Variants in EPHA5 observed in about 807,000 individuals in gnomAD.
The protein encoded by EPHA5 is ephrin type-A receptor 5.
EPHA5 carries 60 observed loss-of-function variants against 105.0 expected under a neutral mutation model. The ratio of observed to expected loss-of-function variants is 0.57; its 90% CI spans 0.46 to 0.71. The LOEUF (loss-of-function observed/expected upper bound fraction) is 0.71, where lower values mean the gene tolerates loss of function less well. Among genes scored for constraint, EPHA5 ranks in the 30% least tolerant of loss-of-function variants. EPHA5 has a pLI of 0.00. For missense variants in EPHA5, 1,218 were observed against 1,274.7 expected (o/e 0.96, Z 0.68); for synonymous variants, 513 against 449.1 (o/e 1.14, Z -1.80).
intron 3 of EPHA5, among the ~76,000 whole-genome samples, chr4:65,598,319 T>G (rs945146221): frequency 6.6e-6 from 1 of 152,138 alleles, no homozygotes; most frequent in African/African-American, 2.4e-5. Context: ...GACATATCCA[T>G]CAATTTTCAG....
intron 3 of EPHA5, among the ~76,000 whole-genome samples, chr4:65,558,457 T>C (rs950837058): frequency 9.9e-5 from 15 of 152,146 alleles, no homozygotes; most frequent in African/African-American, 3.6e-4. Flanking sequence ...TCATTTGAGA[T>C]ATGTGTATCT....
intron 11 of EPHA5, among the ~76,000 whole-genome samples, chr4:65,354,934 C>A (rs1473339739): frequency 6.6e-6 from 1 of 151,772 alleles, no homozygotes; most frequent in Non-Finnish European, 1.5e-5. Flanking sequence ...ATTGCAAAGG[C>A]AGCCACATTT....
At chr4:65,503,884 TTTTA>T (rs2149246095) in intron 3 of EPHA5, among the ~76,000 whole-genome samples, 1 of 145,774 alleles carries the variant, frequency 6.9e-6, no homozygotes, top group East Asian at 2.0e-4. Context: ...TTCAAGACAA[TTTTA>T]ATAGCATTCA....
intron 3 of EPHA5, among the ~76,000 whole-genome samples, chr4:65,581,342 T>G (rs1741604995): frequency 6.6e-6 from 1 of 151,794 alleles, no homozygotes; most frequent in Non-Finnish European, 1.5e-5. Flanking sequence ...TTGTTCTTGT[T>G]AATCTGTCTT....
intron 3 of EPHA5, among the ~76,000 whole-genome samples, chr4:65,599,222 G>C (rs1743472168): frequency 6.6e-6 from 1 of 151,958 alleles, no homozygotes; most frequent in South Asian, 2.1e-4. Context: ...AAAGAGATGA[G>C]AGAAATGATT....
intron 8 of EPHA5, among the ~76,000 whole-genome samples, chr4:65,396,630 G>A (rs936707235): frequency 2.6e-5 from 4 of 152,298 alleles, no homozygotes; most frequent in South Asian, 2.1e-4. Flanking sequence ...GAAGGGTTAC[G>A]AAGGACTAGG....
chr4:65,605,417 C>A (rs1430538435), intron 2 of EPHA5, among the ~76,000 whole-genome samples: 1 of 152,138 alleles, frequency 6.6e-6, no homozygotes, highest in Non-Finnish European at 1.5e-5. Flanking sequence ...TGTTTCCTAC[C>A]TTGTTGGCAT....
At chr4:65,603,483 A>T (rs905398451) in intron 2 of EPHA5, among the ~76,000 whole-genome samples, 9 of 152,240 alleles carry the variant, frequency 5.9e-5, no homozygotes, top group Admixed American at 5.2e-4. Context: ...AGATAAAAAA[A>T]ACTTCATAGA....
intron 4 of EPHA5, among the ~76,000 whole-genome samples, chr4:65,493,104 A>G (rs1731579219): frequency 6.6e-6 from 1 of 152,012 alleles, no homozygotes; most frequent in Admixed American, 6.6e-5. Flanking sequence ...TTCTACTAAC[A>G]GCTAGGATGG....
chr4:65,398,531 G>C (rs1319293492), intron 8 of EPHA5, among the ~76,000 whole-genome samples: 1 of 152,138 alleles, frequency 6.6e-6, no homozygotes, highest in South Asian at 2.1e-4. Flanking sequence ...GAAGCCTGGG[G>C]GCTAAGCTTT....
intron 3 of EPHA5, among the ~76,000 whole-genome samples, chr4:65,579,726 C>G (rs1253409443): frequency 1.3e-5 from 2 of 151,870 alleles, no homozygotes; most frequent in Non-Finnish European, 2.9e-5. Flanking sequence ...GGATCTCCAA[C>G]CAATCACATG....
At chr4:65,464,109 A>G (rs1728380604) in intron 5 of EPHA5, among the ~76,000 whole-genome samples, 1 of 151,952 alleles carries the variant, frequency 6.6e-6, no homozygotes, top group African/African-American at 2.4e-5. Flanking sequence ...AAACTGTAGT[A>G]CCAGAGTAAC....
intron 14 of EPHA5, among the ~76,000 whole-genome samples, chr4:65,347,402 A>G (rs1432810793): frequency 6.6e-6 from 1 of 152,170 alleles, no homozygotes; most frequent in Non-Finnish European, 1.5e-5. Context: ...AATAGTAATG[A>G]TGGAAAATTA....
chr4:65,474,152 C>G (rs915593816), intron 5 of EPHA5, among the ~76,000 whole-genome samples: 1 of 151,644 alleles, frequency 6.6e-6, no homozygotes, highest in Non-Finnish European at 1.5e-5. Flanking sequence ...CACATGTACC[C>G]TAGAACTTAA....
intron 2 of EPHA5, among the ~76,000 whole-genome samples, chr4:65,627,054 G>T (rs564923265): frequency 2.0e-5 from 3 of 152,100 alleles, no homozygotes; most frequent in Non-Finnish European, 2.9e-5. Flanking sequence ...TCCAGTGCAG[G>T]CTAGCTAGTT....
At position 65,558,154 on chromosome 4, in the gene EPHA5, G is replaced by T. The variant is rs563468981; in HGVS notation, c.910+43487C>A. Among the ~76,000 whole-genome samples, 5 of 152,206 alleles carry T rather than the reference G, an allele frequency of 3.3e-5. No individual in the cohort carries two copies. The South Asian group carries it at 1.0e-3, about 32-fold the overall frequency. ...AACCTCCCAAAGTGGCGGGATTACA[G>T]GTGTGAGGCACCACACCTGGCCCAA... On this transcript the variant is annotated intron_variant, in intron 3 of 16. Coordinates refer to ENST00000613740, the MANE Select transcript of EPHA5 (RefSeq NM_001281766.3).
chr4:65,575,982 AAGAGAGAGAG>A (rs370914193), intron 3 of EPHA5, among the ~76,000 whole-genome samples: 13 of 39,722 alleles, frequency 3.3e-4, no homozygotes, highest in African/African-American at 1.1e-3. Context: ...TCAAAAAAGA[AAGAGAGAGAG>A]AGAGAGAGAG....
At chr4:65,662,215 T>TA (rs1446114610) in intron 1 of EPHA5, among the ~76,000 whole-genome samples, 4 of 152,222 alleles carry the variant, frequency 2.6e-5, no homozygotes, top group Non-Finnish European at 4.4e-5. Context: ...CATCTCTGAG[T>TA]AAAAGAACAG....
At chr4:65,549,529 T>C (rs917380826) in intron 3 of EPHA5, among the ~76,000 whole-genome samples, 1 of 131,486 alleles carries the variant, frequency 7.6e-6, no homozygotes, top group Non-Finnish European at 1.6e-5. Context: ...AAAGAGTTAC[T>C]GGTATCAAGT....
Sources: allele counts gnomAD v4.1 joint callset (sites outside exome capture counted in the v4.1 genomes callset), GRCh38; gene constraint gnomAD v4.1.1; transcripts MANE v1.5; gene names NCBI Gene and HGNC (gene_info 2026-07-23, HGNC 2026-07-21).